Variants in EBF1 observed in about 807,000 individuals in gnomAD.
EBF1 encodes transcription factor COE1.
A neutral mutation model predicts 68.4 loss-of-function variants in EBF1; 10 were observed. The ratio of observed to expected loss-of-function variants is 0.15; its 90% confidence interval spans 0.09 to 0.25. The LOEUF is 0.25. Among genes scored for constraint, EBF1 ranks in the 10% least tolerant of loss-of-function variants. The pLI is 1.00. For missense variants in EBF1, 509 were observed against 794.4 expected (o/e 0.64, Z 4.32); for synonymous variants, 298 against 299.8 (o/e 0.99, Z 0.06).
At chr5:158,755,351 C>G (rs1372890367) in intron 10 of EBF1, among the ~76,000 whole-genome samples, 3 of 151,968 alleles carry the variant, frequency 2.0e-5, no homozygotes, top group Non-Finnish European at 4.4e-5. Context: ...CTGTCTTCTC[C>G]CTAGCCATTT....
chr5:158,852,758 A>G (rs538996061), intron 6 of EBF1, among the ~76,000 whole-genome samples: 9 of 152,344 alleles, frequency 5.9e-5, no homozygotes, highest in African/African-American at 2.2e-4. Flanking sequence ...AAGGATGCTG[A>G]TGGAAAATGA....
intron 6 of EBF1, among the ~76,000 whole-genome samples, chr5:158,879,946 T>C (rs1298546606): frequency 2.0e-5 from 3 of 152,156 alleles, no homozygotes; most frequent in African/African-American, 7.2e-5. Context: ...GAAGGGTGTT[T>C]AGAGATCGCC....
intron 6 of EBF1, among the ~76,000 whole-genome samples, chr5:158,942,093 G>A (rs1813549983): frequency 6.6e-6 from 1 of 152,162 alleles, no homozygotes; most frequent in Non-Finnish European, 1.5e-5. Flanking sequence ...TAAAAATTCA[G>A]ATATTAATAC....
intron 7 of EBF1, among the ~76,000 whole-genome samples, chr5:158,833,297 C>CAA (rs56221213): frequency 2.2e-5 from 3 of 135,388 alleles, no homozygotes; most frequent in Non-Finnish European, 4.7e-5. Flanking sequence ...GACTCCATCT[C>CAA]AAAAAAAAAA....
At chr5:158,836,356 G>A (rs898737038) in intron 7 of EBF1, among the ~76,000 whole-genome samples, 9 of 151,846 alleles carry the variant, frequency 5.9e-5, no homozygotes, top group Non-Finnish European at 8.8e-5. Flanking sequence ...AGGAGACCTG[G>A]AAAAAAACAA....
intron 6 of EBF1, among the ~76,000 whole-genome samples, chr5:158,884,327 G>A (rs191126104): frequency 6.6e-6 from 1 of 152,186 alleles, no homozygotes; most frequent in Non-Finnish European, 1.5e-5. Context: ...ACAAGTACTT[G>A]ATTATACCCT....
chr5:158,937,291 A>C lies in EBF1; in HGVS notation c.555-97181T>G, dbSNP rs145666331. On this transcript the variant is annotated intron_variant, in intron 6 of 15. Coordinates refer to ENST00000313708, the MANE Select transcript of EBF1 (RefSeq NM_024007.5). ...TCATTGAGAAGGTCTTCCATATAAA[A>C]TATTAATAAATAATATAGTTAGGAA... Among the ~76,000 whole-genome samples, 125 of 152,242 alleles carry C rather than the reference A, an allele frequency of 8.2e-4. 1 individual carries two copies. Among genetic ancestry groups the C allele is most frequent in the African/African-American group, 2.8e-3 (117 of 41,546 alleles).
intron 6 of EBF1, among the ~76,000 whole-genome samples, chr5:159,050,152 TTCTCTC>T (rs148912326): frequency 0.011 from 1,523 of 135,586 alleles, 21 homozygotes; most frequent in African/African-American, 0.031. Flanking sequence ...TCGTTTCTCT[TTCTCTC>T]TCTCTCTCTC....
intron 10 of EBF1, among the ~76,000 whole-genome samples, chr5:158,740,030 T>C (rs1240844526): frequency 6.6e-6 from 1 of 152,234 alleles, no homozygotes; most frequent in Non-Finnish European, 1.5e-5. Context: ...AGCTTTTATC[T>C]GACGAGCTGA....
intron 14 of EBF1, 44 bp downstream of exon 14, chr5:158,712,110 T>C: frequency 6.2e-7 from 1 of 1,604,216 alleles, no homozygotes. Context: ...GCCAAGTTCT[T>C]CTAGCGAAAC....
chr5:158,877,976 C>G (rs185979383), intron 6 of EBF1, among the ~76,000 whole-genome samples: 3 of 151,936 alleles, frequency 2.0e-5, no homozygotes, highest in African/African-American at 7.2e-5. Context: ...TAACATAACT[C>G]CATGTTGCTG....
At chr5:158,971,716 T>G (rs576258011) in intron 6 of EBF1, among the ~76,000 whole-genome samples, 62 of 152,106 alleles carry the variant, frequency 4.1e-4, no homozygotes, top group African/African-American at 1.3e-3. Context: ...GGTCTAAATA[T>G]AAGAAGATTT....
chr5:159,015,823 G>A (rs117052797), intron 6 of EBF1, among the ~76,000 whole-genome samples: 7 of 152,260 alleles, frequency 4.6e-5, no homozygotes, highest in East Asian at 3.9e-4. Context: ...CCACAAAGTC[G>A]GGTCCTAGAC....
intron 15 of EBF1, among the ~76,000 whole-genome samples, chr5:158,702,829 C>G (rs184722121): frequency 6.7e-6 from 1 of 149,248 alleles, no homozygotes. Context: ...AATCTTGCAC[C>G]GACTGAATAT....
At chr5:158,913,747 C>T (rs1323645884) in intron 6 of EBF1, among the ~76,000 whole-genome samples, 1 of 152,172 alleles carries the variant, frequency 6.6e-6, no homozygotes, top group Non-Finnish European at 1.5e-5. Flanking sequence ...ATTCAGAATT[C>T]GAGTTCGTGG....
chr5:159,011,356 C>G (rs571896649), intron 6 of EBF1, among the ~76,000 whole-genome samples: 2 of 152,190 alleles, frequency 1.3e-5, no homozygotes, highest in Non-Finnish European at 1.5e-5. Context: ...GGTCCCACGC[C>G]TCCCTGAGCT....
chr5:158,734,829 G>A (rs188895795), intron 10 of EBF1, among the ~76,000 whole-genome samples: 164 of 152,268 alleles, frequency 1.1e-3, no homozygotes, highest in African/African-American at 3.5e-3. Flanking sequence ...AACTGCAAGA[G>A]GAATGGAATG....
rs187818900 is a variant in EBF1, at chr5:158,927,051, C to T, written c.555-86941G>A. Among the ~76,000 whole-genome samples the T allele has an allele frequency of 7.0e-4, 106 of 152,338 alleles. No individual in the cohort carries two copies. In the East Asian group the frequency reaches 0.017, roughly 24 times the overall value. The stretch of plus-strand genomic sequence containing the variant: ...ATAACTCAAGGCAAATTTAAGGTGG[C>T]TTCACCCCATCTATGCAATGTGGAT... On this transcript the variant is annotated intron_variant, in intron 6 of 15. Coordinates refer to ENST00000313708, the MANE Select transcript of EBF1 (RefSeq NM_024007.5).
chr5:158,757,265 A>ACAATAC (rs1192212061), intron 10 of EBF1, among the ~76,000 whole-genome samples: 1 of 152,146 alleles, frequency 6.6e-6, no homozygotes, highest in East Asian at 1.9e-4. Flanking sequence ...AGTGATCAGT[A>ACAATAC]CAATACCACC....
Sources: gnomAD v4.1 joint callset for allele counts (sites outside exome capture counted in the v4.1 genomes callset) on GRCh38, gnomAD v4.1.1 for gene constraint, MANE v1.5 for transcripts, NCBI Gene and HGNC (gene_info 2026-07-23, HGNC 2026-07-21) for gene names.